CDH13: variants seen among roughly 807,000 people sequenced by gnomAD.
CDH13 encodes cadherin-13.
CDH13 carries 24 observed loss-of-function variants against 63.8 expected under a neutral mutation model. The observed-to-expected ratio is 0.38, with a 90% CI of 0.27 to 0.53. The LOEUF (loss-of-function observed/expected upper bound fraction) is 0.53, where lower values mean the gene tolerates loss of function less well. Ranked by LOEUF, CDH13 falls within the 20% of genes least tolerant of loss-of-function variation. The pLI, the probability that CDH13 is intolerant of heterozygous loss-of-function variation, is 0.85. For missense variants in CDH13, 1,049 were observed against 903.1 expected, an observed-to-expected ratio of 1.16 and a Z score of -2.07; for synonymous variants, 503 against 355.3, an observed-to-expected ratio of 1.42 and a Z score of -4.67.
At chr16:82,708,713 G>A (rs72837572) in intron 1 of CDH13, among the ~76,000 whole-genome samples, 8,136 of 152,214 alleles carry the variant, frequency 0.053, 307 homozygotes, top group Middle Eastern at 0.086. Context: ...AGGGGACTCC[G>A]AGTCAGCTGT....
chr16:82,834,285 A>G (rs554176206), intron 1 of CDH13, among the ~76,000 whole-genome samples: 1 of 152,230 alleles, frequency 6.6e-6, no homozygotes, highest in South Asian at 2.1e-4. Flanking sequence ...GCTCTAGTCA[A>G]TTCTTGGTCA....
chr16:82,973,404 C>T (rs1476130828), intron 2 of CDH13, among the ~76,000 whole-genome samples: 2 of 152,194 alleles, frequency 1.3e-5, no homozygotes, highest in Non-Finnish European at 2.9e-5. Context: ...AGTGTCAGCT[C>T]ATATGAGACA....
At chr16:82,918,895 A>G (rs2151277385) in intron 2 of CDH13, among the ~76,000 whole-genome samples, 1 of 152,330 alleles carries the variant, frequency 6.6e-6, no homozygotes, top group Admixed American at 6.5e-5. Context: ...AGAGTATATT[A>G]GAGGACCATT....
chr16:82,860,657 C>G lies in CDH13; in HGVS notation c.157+2184C>G, dbSNP rs546322998. ...TATTACTAAGGTAAAAAAAAAAAAT[C>G]CAAAGCAGATCTGGTTAGGTACTTT... On this transcript the variant is annotated intron_variant, in intron 2 of 13. Coordinates refer to ENST00000567109, the MANE Select transcript of CDH13 (RefSeq NM_001257.5). Among the ~76,000 whole-genome samples the G allele has an allele frequency of 2.2e-4, 33 of 151,324 alleles. 1 individual carries two copies. The South Asian group carries it at 6.5e-3, about 30-fold the overall frequency.
chr16:83,217,578 T>C (rs912658553), intron 5 of CDH13, 81 bp downstream of exon 5: 123 of 1,423,106 alleles, frequency 8.6e-5, no homozygotes, highest in Non-Finnish European at 1.1e-4. Flanking sequence ...GAGCTCATTA[T>C]TTCTGTGCCT....
intron 5 of CDH13, among the ~76,000 whole-genome samples, chr16:83,335,878 G>T (rs531757977): frequency 2.6e-5 from 4 of 152,080 alleles, no homozygotes; most frequent in Non-Finnish European, 5.9e-5. Context: ...TCACTTGGGG[G>T]GCTTGGCTCT....
intron 2 of CDH13, among the ~76,000 whole-genome samples, chr16:82,892,317 G>A (rs1450649833): frequency 6.6e-6 from 1 of 152,120 alleles, no homozygotes; most frequent in Non-Finnish European, 1.5e-5. Context: ...CAGCATTTGT[G>A]CCTGCATGCT....
intron 3 of CDH13, among the ~76,000 whole-genome samples, chr16:83,063,570 A>T (rs1318006753): frequency 1.3e-5 from 2 of 152,226 alleles, no homozygotes; most frequent in Non-Finnish European, 2.9e-5. Context: ...ATATAGCTGT[A>T]GTTAGCATGA....
chr16:83,108,575 C>T (rs1240890106), intron 3 of CDH13, among the ~76,000 whole-genome samples: 1 of 152,186 alleles, frequency 6.6e-6, no homozygotes, highest in Non-Finnish European at 1.5e-5. Context: ...CCACCCCATC[C>T]TCCCAGTGCA....
intron 1 of CDH13, among the ~76,000 whole-genome samples, chr16:82,646,692 C>A (rs1910135723): frequency 6.6e-6 from 1 of 152,054 alleles, no homozygotes; most frequent in Non-Finnish European, 1.5e-5. Flanking sequence ...TGTCATCATC[C>A]CCATCTACAG....
At chr16:83,044,835 C>T (rs375814566) in intron 3 of CDH13, among the ~76,000 whole-genome samples, 5 of 152,290 alleles carry the variant, frequency 3.3e-5, no homozygotes, top group South Asian at 2.1e-4. Context: ...AGCTCCCCAG[C>T]AGCTGCTCGG....
intron 6 of CDH13, among the ~76,000 whole-genome samples, chr16:83,372,438 T>TC (rs2091384874): frequency 6.6e-6 from 1 of 152,104 alleles, no homozygotes; most frequent in Non-Finnish European, 1.5e-5. Flanking sequence ...GCTGAGTTTT[T>TC]CATGGGCCAG....
chr16:83,023,630 G>T (rs778945464), intron 2 of CDH13, among the ~76,000 whole-genome samples: 1 of 152,128 alleles, frequency 6.6e-6, no homozygotes, highest in Non-Finnish European at 1.5e-5. Flanking sequence ...TTTTTTAAAT[G>T]GACATAAACT....
chr16:82,700,955 G>GCCCCCC lies in CDH13; in HGVS notation c.45+73832_45+73837dup, dbSNP rs572286316. 1.4e-3 allele frequency among the ~76,000 whole-genome samples: 15 copies of GCCCCCC among 10,434 alleles called. 1 individual carries two copies. Among genetic ancestry groups the GCCCCCC allele is most frequent in the Non-Finnish European group, 1.9e-3 (13 of 6,900 alleles). The allele number at this position is 10,434 out of a possible 152,430, so 6.8% of individuals were successfully genotyped here. On this transcript the variant is annotated intron_variant, in intron 1 of 13. Coordinates refer to ENST00000567109, the MANE Select transcript of CDH13 (RefSeq NM_001257.5). Reference sequence around the variant, plus strand: ...TGCACCATTGTAAGTGCTGGAACCCGCCCCCCCCCCCCCCCCCCCGCCCCG... The same window carrying GCCCCCC: ...TGCACCATTGTAAGTGCTGGAACCCGCCCCCCCCCCCCCCCCCCCCCCCCCGCCCCG...
intron 2 of CDH13, among the ~76,000 whole-genome samples, chr16:82,943,645 A>G (rs749814105): frequency 9.9e-5 from 15 of 152,212 alleles, no homozygotes; most frequent in Non-Finnish European, 1.5e-4. Context: ...AGTCAATCAA[A>G]TATTTACTGA....
intron 4 of CDH13, among the ~76,000 whole-genome samples, chr16:83,158,109 A>G (rs1051325492): frequency 1.1e-4 from 17 of 152,158 alleles, no homozygotes; most frequent in African/African-American, 4.1e-4. Flanking sequence ...GCACTGAGCT[A>G]GGTAAATTCA....
In CDH13 at chr16:83,486,671, T is replaced by A; in HGVS notation, c.960+16T>A. On this transcript the variant is annotated intron_variant, in intron 7 of 13. Transcript: ENST00000567109. ...GGACCGAGAGGTGAGCTGAAAAGAATACACTTTCTTTTTCACGAGAATAGA... is the reference window on the plus strand; with the variant it reads ...GGACCGAGAGGTGAGCTGAAAAGAAAACACTTTCTTTTTCACGAGAATAGA... 1 of 1,607,872 alleles carries A rather than the reference T, an allele frequency of 6.2e-7. No individual in the cohort carries two copies. Among genetic ancestry groups the A allele is most frequent in the Non-Finnish European group, 8.5e-7 (1 of 1,174,600 alleles).
intron 4 of CDH13, among the ~76,000 whole-genome samples, chr16:83,164,078 G>A (rs971141073): frequency 5.3e-5 from 8 of 151,936 alleles, no homozygotes; most frequent in Non-Finnish European, 1.2e-4. Flanking sequence ...GTAACTGATC[G>A]GGAAAAAAAT....
At chr16:83,711,332 G>T (rs1908015388) in intron 10 of CDH13, among the ~76,000 whole-genome samples, 1 of 152,144 alleles carries the variant, frequency 6.6e-6, no homozygotes, top group South Asian at 2.1e-4. Context: ...ATGCCAGACG[G>T]GCTGTGGTAG....
Sources: gnomAD v4.1 joint callset for allele counts (sites outside exome capture counted in the v4.1 genomes callset) on GRCh38, gnomAD v4.1.1 for gene constraint, MANE v1.5 for transcripts, NCBI Gene and HGNC (gene_info 2026-07-23, HGNC 2026-07-21) for gene names.